Variants in CD200R1L observed in about 807,000 individuals in gnomAD.
CD200R1L encodes the protein cell surface glycoprotein CD200 receptor 2.
CD200R1L carries 14 observed loss-of-function variants against 24.8 expected under a neutral mutation model. The observed-to-expected ratio is 0.56, with a 90% CI of 0.37 to 0.88. CD200R1L has a LOEUF of 0.88. Ranked by LOEUF, CD200R1L falls within the 40% of genes least tolerant of loss-of-function variation. The pLI is 0.00. For synonymous variants in CD200R1L, 111 were observed against 109.2 expected (o/e 1.02, Z -0.11); for missense variants, 299 against 297.8 (o/e 1.00, Z -0.03).
At chr3:112,823,177 A>AGTTTGAT (rs888633186) in intron 6 of CD200R1L, among the ~76,000 whole-genome samples, 8 of 152,234 alleles carry the variant, frequency 5.3e-5, no homozygotes, top group Non-Finnish European at 1.0e-4. Context: ...TGAAGTTTGA[A>AGTTTGAT]GCACTGACCC....
intron 3 of CD200R1L, 37 bp downstream of exon 3, chr3:112,837,905 C>T: frequency 1.2e-6 from 1 of 852,796 alleles, no homozygotes; most frequent in South Asian, 1.9e-5. Context: ...ATCCAACCCT[C>T]CCATCAAACT....
chr3:112,836,604 G>T (rs146517839), intron 3 of CD200R1L, among the ~76,000 whole-genome samples: 1 of 152,198 alleles, frequency 6.6e-6, no homozygotes, highest in African/African-American at 2.4e-5. Context: ...AGGATGTTTT[G>T]TAAGTCAACA....
At position 112,827,101 on chromosome 3, in the gene CD200R1L, T is replaced by C. The variant is rs996286160; in HGVS notation, c.508A>G (p.Thr170Ala). 2 of 1,613,380 alleles carry C rather than the reference T, an allele frequency of 1.2e-6. No homozygotes were observed. Among genetic ancestry groups the C allele is most frequent in the Non-Finnish European group, 1.7e-6 (2 of 1,180,048 alleles). Residue 170 changes from threonine (T) to alanine (A), a missense_variant, in exon 6 of 8, where the codon ACA (threonine) becomes GCA (alanine). By Grantham distance (58) the Thr-to-Ala change is moderately conservative. Transcript: ENST00000488794. ...ATKQEYWGNG[T>A]VTVKSTCPWE... ...GGGCATGTACTCTTAACCGTCACTGTGCCATTGCCCCAGTATTCTTGCTTA... is the reference window on the plus strand; with the variant it reads ...GGGCATGTACTCTTAACCGTCACTGCGCCATTGCCCCAGTATTCTTGCTTA...
At chr3:112,833,612 A>G (rs1373269255) in intron 3 of CD200R1L, among the ~76,000 whole-genome samples, 2 of 152,146 alleles carry the variant, frequency 1.3e-5, no homozygotes, top group Non-Finnish European at 2.9e-5. Flanking sequence ...TAAAACAGAA[A>G]TGGCTACAAT....
chr3:112,846,528 A>T (rs1939203776), intron 1 of CD200R1L, 97 bp downstream of exon 1: 1 of 152,324 alleles, frequency 6.6e-6, no homozygotes, highest in Non-Finnish European at 1.5e-5. Context: ...GGGTTATAAG[A>T]TAGTCATATG....
intron 2 of CD200R1L, among the ~76,000 whole-genome samples, chr3:112,842,504 C>T (rs551288435): frequency 6.6e-6 from 1 of 151,956 alleles, no homozygotes; most frequent in African/African-American, 2.4e-5. Flanking sequence ...TGAAAAAGAA[C>T]AGAATAACAG....
chr3:112,824,588 A>G (rs1017922109), intron 6 of CD200R1L, among the ~76,000 whole-genome samples: 20 of 152,258 alleles, frequency 1.3e-4, no homozygotes, highest in African/African-American at 4.3e-4. Context: ...GTGTCCATTC[A>G]TGAGATGAAT....
At chr3:112,823,506 C>G (rs151257399) in intron 6 of CD200R1L, among the ~76,000 whole-genome samples, 1 of 152,270 alleles carries the variant, frequency 6.6e-6, no homozygotes, top group Non-Finnish European at 1.5e-5. Context: ...TGTAGGACAC[C>G]TAGGTGGTGT....
chr3:112,822,338 A>G (rs1485486971), intron 6 of CD200R1L, among the ~76,000 whole-genome samples: 1 of 152,156 alleles, frequency 6.6e-6, no homozygotes, highest in Non-Finnish European at 1.5e-5. Context: ...TAGAAAGACC[A>G]AGACATGGTT....
chr3:112,823,304 G>C (rs1299971847), intron 6 of CD200R1L, among the ~76,000 whole-genome samples: 1 of 152,166 alleles, frequency 6.6e-6, no homozygotes, highest in Non-Finnish European at 1.5e-5. Flanking sequence ...AGTTCTGTGA[G>C]CCATTCTAGC....
Position 112,830,200 on chromosome 3 carries a change from A to G in CD200R1L, c.-17-816T>C, listed in dbSNP as rs550193418. 3.9e-5 allele frequency among the ~76,000 whole-genome samples: 6 copies of G among 152,316 alleles called. No individual in the cohort carries two copies. The South Asian group carries it at 1.2e-3, about 32-fold the overall frequency. On this transcript the variant is annotated intron_variant, in intron 3 of 7. Transcript: ENST00000488794. ...TTCAGTCCAAATCTGATGATGTGCA[A>G]TGCTACAATATATGATGTTCCTTTC...
At chr3:112,824,780 G>C (rs1356720548) in intron 6 of CD200R1L, among the ~76,000 whole-genome samples, 1 of 152,184 alleles carries the variant, frequency 6.6e-6, no homozygotes, top group East Asian at 1.9e-4. Flanking sequence ...CATGCATGAA[G>C]CATTCTGTGA....
intron 3 of CD200R1L, among the ~76,000 whole-genome samples, chr3:112,830,943 AG>A (rs1165293363): frequency 6.6e-6 from 1 of 151,892 alleles, no homozygotes; most frequent in Non-Finnish European, 1.5e-5. Context: ...TGGAGAAAGG[AG>A]TATAATTGGA....
At chr3:112,846,381 A>G (rs1939201740) in intron 1 of CD200R1L, among the ~76,000 whole-genome samples, 1 of 152,240 alleles carries the variant, frequency 6.6e-6, no homozygotes, top group Non-Finnish European at 1.5e-5. Context: ...CAATTTATTC[A>G]TCAATTTCTC....
chr3:112,841,770 C>T (rs969826882), intron 2 of CD200R1L, among the ~76,000 whole-genome samples: 2 of 152,072 alleles, frequency 1.3e-5, no homozygotes, highest in African/African-American at 4.8e-5. Context: ...AGCAGTTTGG[C>T]CCCCCCGGAA....
chr3:112,819,698 T>G, intron 7 of CD200R1L, 74 bp downstream of exon 7: 1 of 1,465,734 alleles, frequency 6.8e-7, no homozygotes, highest in Non-Finnish European at 9.0e-7. Flanking sequence ...CCCAGTACAT[T>G]GTAAACTCAA....
At position 112,831,940 on chromosome 3, in the gene CD200R1L, C is replaced by T. The variant is rs190237288; in HGVS notation, c.-17-2556G>A. 3.4e-3 allele frequency among the ~76,000 whole-genome samples: 521 copies of T among 152,282 alleles called. 9 individuals are homozygous for T. The highest frequency in any genetic ancestry group is 2.2e-3 in the Non-Finnish European group (147 of 68,028). On this transcript the variant is annotated intron_variant, in intron 3 of 7. Coordinates refer to ENST00000488794, the MANE Select transcript of CD200R1L (RefSeq NM_001199215.3). ...GTAATTTTAAACAACAGTTCAATTG[C>T]ACTATCAGTGAAAATATCAGTAGAA...
Position 112,836,454 on chromosome 3 carries a change from C to A in CD200R1L, c.-18+1488G>T, listed in dbSNP as rs184433855. 2.0e-5 allele frequency among the ~76,000 whole-genome samples: 3 copies of A among 152,320 alleles called. No homozygotes were observed. The East Asian group carries it at 5.8e-4, about 29-fold the overall frequency. On this transcript the variant is annotated intron_variant, in intron 3 of 7. Transcript: ENST00000488794. ...AAATATGCCTTTTGTACTCTCATAACCAGCTTTAATTGTAAATCATTAAAT... is the reference window on the plus strand; with the variant it reads ...AAATATGCCTTTTGTACTCTCATAAACAGCTTTAATTGTAAATCATTAAAT...
chr3:112,827,718 A>T, intron 4 of CD200R1L, 34 bp from the exon 5 acceptor site: 1 of 1,572,358 alleles, frequency 6.4e-7, no homozygotes, highest in Non-Finnish European at 8.6e-7. Context: ...TGATATAGAA[A>T]ACCTTGATAA....
Sources: gnomAD v4.1 joint callset for allele counts (sites outside exome capture counted in the v4.1 genomes callset) on GRCh38, gnomAD v4.1.1 for gene constraint, MANE v1.5 for transcripts, NCBI Gene and HGNC (gene_info 2026-07-23, HGNC 2026-07-21) for gene names.